MYRIP: variants seen among roughly 807,000 people sequenced by gnomAD.
MYRIP encodes the protein rab effector MyRIP.
In MYRIP, 49 loss-of-function variants were observed where a neutral mutation model predicts 98.0. The ratio of observed to expected loss-of-function variants is 0.50; its 90% CI spans 0.40 to 0.63. The LOEUF is 0.63. Ranked by LOEUF, MYRIP falls within the 30% of genes least tolerant of loss-of-function variation. The pLI, the probability that MYRIP is intolerant of heterozygous loss-of-function variation, is 0.00. For missense variants in MYRIP, 1,004 were observed against 1,058.2 expected (o/e 0.95, Z 0.71); for synonymous variants, 404 against 409.5 (o/e 0.99, Z 0.16).
intron 16 of MYRIP, among the ~76,000 whole-genome samples, chr3:40,255,517 G>A (rs903306988): frequency 4.6e-5 from 7 of 152,062 alleles, no homozygotes; most frequent in Non-Finnish European, 8.8e-5. Context: ...GGTTAAAAAC[G>A]AAAGAACAGA....
At chr3:40,073,254 C>T (rs1181367546) in intron 3 of MYRIP, among the ~76,000 whole-genome samples, 1 of 152,086 alleles carries the variant, frequency 6.6e-6, no homozygotes, top group East Asian at 1.9e-4. Context: ...ACCAAGAGAC[C>T]AATTAGTAAA....
intron 1 of MYRIP, among the ~76,000 whole-genome samples, chr3:39,871,979 C>T (rs915876537): frequency 6.6e-6 from 1 of 152,022 alleles, no homozygotes; most frequent in African/African-American, 2.4e-5. Flanking sequence ...GCAGCTGTCA[C>T]ACACCATAGA....
At chr3:40,186,633 GCAGGCAACA>G (rs1951042623) in intron 9 of MYRIP, among the ~76,000 whole-genome samples, 1 of 152,174 alleles carries the variant, frequency 6.6e-6, no homozygotes, top group African/African-American at 2.4e-5. Flanking sequence ...TGCCCCTGGG[GCAGGCAACA>G]CAGGCTCTAG....
intron 10 of MYRIP, among the ~76,000 whole-genome samples, chr3:40,194,223 C>T (rs528041703): frequency 2.0e-5 from 3 of 152,010 alleles, no homozygotes; most frequent in South Asian, 2.1e-4. Flanking sequence ...CCCCTTAGAC[C>T]GTCTGTACTT....
At chr3:39,956,187 A>T (rs1254436393) in intron 2 of MYRIP, among the ~76,000 whole-genome samples, 1 of 152,224 alleles carries the variant, frequency 6.6e-6, no homozygotes, top group African/African-American at 2.4e-5. Flanking sequence ...CCTAATAGAC[A>T]TCTGCGGAAC....
intron 1 of MYRIP, among the ~76,000 whole-genome samples, chr3:39,891,550 T>C (rs1943488570): frequency 6.6e-6 from 1 of 152,114 alleles, no homozygotes; most frequent in African/African-American, 2.4e-5. Flanking sequence ...TTTACACTCA[T>C]GTGCTTTGTT....
At chr3:40,064,477 A>T (rs767229423) in intron 3 of MYRIP, among the ~76,000 whole-genome samples, 4 of 152,238 alleles carry the variant, frequency 2.6e-5, no homozygotes, top group Non-Finnish European at 4.4e-5. Context: ...AGCAGTTCAT[A>T]TCCCCACTCT....
At chr3:40,061,596 AC>A (rs1396529688) in intron 3 of MYRIP, among the ~76,000 whole-genome samples, 1 of 152,190 alleles carries the variant, frequency 6.6e-6, no homozygotes, top group Non-Finnish European at 1.5e-5. Flanking sequence ...TTGGGTATGT[AC>A]CCAGTAATGG....
At chr3:39,998,577 C>T (rs1946430786) in intron 2 of MYRIP, among the ~76,000 whole-genome samples, 1 of 152,164 alleles carries the variant, frequency 6.6e-6, no homozygotes, top group African/African-American at 2.4e-5. Flanking sequence ...TAGGAAGAAT[C>T]AATATTGTGA....
intron 8 of MYRIP, among the ~76,000 whole-genome samples, chr3:40,171,024 G>A (rs1465664807): frequency 1.3e-5 from 2 of 152,082 alleles, no homozygotes; most frequent in Non-Finnish European, 2.9e-5. Flanking sequence ...GATGCACAAC[G>A]GTTACAAGGA....
chr3:39,965,192 A>G (rs1037240604), intron 2 of MYRIP, among the ~76,000 whole-genome samples: 1 of 152,042 alleles, frequency 6.6e-6, no homozygotes, highest in South Asian at 2.1e-4. Context: ...TTGCGACCCA[A>G]TTGGATTTTA....
intron 1 of MYRIP, among the ~76,000 whole-genome samples, chr3:39,888,958 G>T (rs1160554115): frequency 6.6e-6 from 1 of 152,130 alleles, no homozygotes; most frequent in Non-Finnish European, 1.5e-5. Context: ...TCAGAGAAAT[G>T]CAAATCAAAA....
chr3:39,815,058 T>C (rs934496956), intron 1 of MYRIP, among the ~76,000 whole-genome samples: 3 of 152,212 alleles, frequency 2.0e-5, no homozygotes, highest in African/African-American at 2.4e-5. Context: ...TACAATTTAG[T>C]GTTTTTAGTA....
chr3:40,011,963 C>T (rs1176103975), intron 2 of MYRIP, among the ~76,000 whole-genome samples: 2 of 152,090 alleles, frequency 1.3e-5, no homozygotes, highest in East Asian at 3.9e-4. Context: ...TTTACTTATA[C>T]ATCATAATAT....
At chr3:40,075,980 G>A (rs1347364178) in intron 3 of MYRIP, among the ~76,000 whole-genome samples, 1 of 152,162 alleles carries the variant, frequency 6.6e-6, no homozygotes, top group Non-Finnish European at 1.5e-5. Context: ...TGGGTCACTT[G>A]AGCCCAGGAG....
At chr3:40,183,212 A>G (rs767085471) in intron 9 of MYRIP, among the ~76,000 whole-genome samples, 1 of 152,226 alleles carries the variant, frequency 6.6e-6, no homozygotes, top group Non-Finnish European at 1.5e-5. Flanking sequence ...GCCCGGAGAA[A>G]TGGCATCCTG....
intron 3 of MYRIP, among the ~76,000 whole-genome samples, chr3:40,061,904 G>A (rs1948025440): frequency 6.6e-6 from 1 of 152,150 alleles, no homozygotes. Flanking sequence ...CTTCTTTTGA[G>A]AAGTGTCTGT....
At chr3:39,909,020 G>A (rs749322992) in intron 2 of MYRIP, among the ~76,000 whole-genome samples, 13 of 152,170 alleles carry the variant, frequency 8.5e-5, no homozygotes, top group South Asian at 2.1e-4. Flanking sequence ...TAGTTCCTTC[G>A]ATGGGATTGG....
At chr3:40,149,692 A>G (rs749762811) in intron 3 of MYRIP, among the ~76,000 whole-genome samples, 6 of 152,164 alleles carry the variant, frequency 3.9e-5, no homozygotes, top group Non-Finnish European at 7.3e-5. Context: ...TGCTCTCTGA[A>G]TCAACCAACT....
Sources: gnomAD v4.1 joint callset for allele counts (sites outside exome capture counted in the v4.1 genomes callset) on GRCh38, gnomAD v4.1.1 for gene constraint, MANE v1.5 for transcripts, NCBI Gene and HGNC (gene_info 2026-07-23, HGNC 2026-07-21) for gene names.